RASGEF1A: variants seen among roughly 807,000 people sequenced by gnomAD.
RASGEF1A encodes ras-GEF domain-containing family member 1A.
Under a neutral mutation model 56.4 loss-of-function variants are expected in RASGEF1A, and 18 were observed. The ratio of observed to expected loss-of-function variants is 0.32; its 90% CI spans 0.22 to 0.47. RASGEF1A has a LOEUF of 0.47. Ranked by LOEUF, RASGEF1A falls within the 20% of genes least tolerant of loss-of-function variation. The probability of loss-of-function intolerance (pLI) is 1.00; values close to 1 mark genes in which losing one functional copy is unlikely to be tolerated. For missense variants in RASGEF1A, 422 were observed against 627.1 expected (o/e 0.67, Z 3.49); for synonymous variants, 245 against 242.6 (o/e 1.01, Z -0.09).
At chr10:43,263,992 G>C (rs1394634413) in intron 1 of RASGEF1A, among the ~76,000 whole-genome samples, 1 of 151,964 alleles carries the variant, frequency 6.6e-6, no homozygotes, top group Non-Finnish European at 1.5e-5. Context: ...CTGTCATGGT[G>C]CCTGGAGCAG....
intron 1 of RASGEF1A, among the ~76,000 whole-genome samples, chr10:43,250,316 T>A (rs1840613880): frequency 6.6e-6 from 1 of 152,160 alleles, no homozygotes; most frequent in Admixed American, 6.5e-5. Flanking sequence ...TGGACACACC[T>A]GAGCAGCTAT....
intron 1 of RASGEF1A, among the ~76,000 whole-genome samples, chr10:43,212,822 A>T (rs1270615490): frequency 6.6e-6 from 1 of 152,196 alleles, no homozygotes; most frequent in African/African-American, 2.4e-5. Context: ...ACACAGCCTA[A>T]AACTTTAGCT....
intron 1 of RASGEF1A, among the ~76,000 whole-genome samples, chr10:43,243,709 G>T (rs951656172): frequency 1.4e-5 from 2 of 144,582 alleles, no homozygotes; most frequent in South Asian, 4.5e-4. Flanking sequence ...CTGCCCAGCC[G>T]CCCCATCTGG....
chr10:43,254,164 C>A (rs1010452609), intron 1 of RASGEF1A, among the ~76,000 whole-genome samples: 2 of 152,180 alleles, frequency 1.3e-5, no homozygotes, highest in Non-Finnish European at 2.9e-5. Context: ...GGAAAATATC[C>A]CCTGCAGGAA....
At chr10:43,218,420 G>A (rs942106790) in intron 1 of RASGEF1A, among the ~76,000 whole-genome samples, 25 of 152,234 alleles carry the variant, frequency 1.6e-4, no homozygotes, top group Non-Finnish European at 1.2e-4. Context: ...CTGGTCTAGG[G>A]ATGGGGGGCG....
intron 1 of RASGEF1A, chr10:43,206,729 G>T: frequency 1.0e-6 from 1 of 986,528 alleles, no homozygotes; most frequent in South Asian, 4.7e-5. Context: ...CCCAAGGAGA[G>T]CTTGCTCAGG....
intron 1 of RASGEF1A, among the ~76,000 whole-genome samples, chr10:43,222,006 C>T (rs529631501): frequency 2.0e-5 from 3 of 152,174 alleles, no homozygotes; most frequent in East Asian, 1.9e-4. Flanking sequence ...GCATCTTAGG[C>T]GATTTCGTCG....
chr10:43,220,100 G>A (rs989100891), intron 1 of RASGEF1A, among the ~76,000 whole-genome samples: 3 of 152,302 alleles, frequency 2.0e-5, no homozygotes, highest in East Asian at 1.9e-4. Context: ...CATGCTGTGC[G>A]TCTGTCCCCT....
chr10:43,229,503 G>A (rs1840331200), intron 1 of RASGEF1A: 1 of 648,810 alleles, frequency 1.5e-6, no homozygotes, highest in African/African-American at 1.9e-5. Context: ...ACGCACAGAG[G>A]GCGGCGCGCG....
At chr10:43,225,827 G>T (rs1360129608) in intron 1 of RASGEF1A, among the ~76,000 whole-genome samples, 1 of 152,190 alleles carries the variant, frequency 6.6e-6, no homozygotes, top group African/African-American at 2.4e-5. Context: ...CCCCAGAGAA[G>T]TCATACTCAG....
chr10:43,213,596 T>C (rs1233000612), intron 1 of RASGEF1A, among the ~76,000 whole-genome samples: 1 of 152,186 alleles, frequency 6.6e-6, no homozygotes, highest in Non-Finnish European at 1.5e-5. Flanking sequence ...ACATTCCTTT[T>C]TGCAGCCTCT....
chr10:43,240,807 A>T (rs548433776), intron 1 of RASGEF1A, among the ~76,000 whole-genome samples: 1 of 152,244 alleles, frequency 6.6e-6, no homozygotes, highest in Non-Finnish European at 1.5e-5. Flanking sequence ...TATTAGAAGC[A>T]ATAATGGCTA....
At chr10:43,232,632 G>C (rs1394449990) in intron 1 of RASGEF1A, among the ~76,000 whole-genome samples, 1 of 151,870 alleles carries the variant, frequency 6.6e-6, no homozygotes, top group Non-Finnish European at 1.5e-5. Context: ...GATTACAGGT[G>C]CACGCCACCA....
At chr10:43,248,599 C>G (rs1413540806) in intron 1 of RASGEF1A, among the ~76,000 whole-genome samples, 1 of 152,208 alleles carries the variant, frequency 6.6e-6, no homozygotes, top group Non-Finnish European at 1.5e-5. Flanking sequence ...GGTCTCACTG[C>G]AGGCTTAATT....
chr10:43,224,689 A>C (rs1840250276), intron 1 of RASGEF1A, among the ~76,000 whole-genome samples: 1 of 152,248 alleles, frequency 6.6e-6, no homozygotes, highest in South Asian at 2.1e-4. Flanking sequence ...TAAAATGAAG[A>C]TCAAGCCAAA....
chr10:43,216,711 G>A (rs1039378689), intron 1 of RASGEF1A, among the ~76,000 whole-genome samples: 1 of 152,158 alleles, frequency 6.6e-6, no homozygotes, highest in African/African-American at 2.4e-5. Context: ...AGGGTAGAGG[G>A]CTGAGTGTGC....
chr10:43,220,257 T>C (rs1840190713), intron 1 of RASGEF1A, among the ~76,000 whole-genome samples: 1 of 152,160 alleles, frequency 6.6e-6, no homozygotes, highest in African/African-American at 2.4e-5. Context: ...CCTGGCACTT[T>C]AGGAAGCCGA....
intron 1 of RASGEF1A, chr10:43,208,352 C>T: frequency 2.0e-6 from 2 of 985,892 alleles, no homozygotes; most frequent in Non-Finnish European, 2.4e-6. Context: ...CGATCCCCCA[C>T]AGGGCAAGGC....
At chr10:43,201,750 C>T (rs577259902) in intron 4 of RASGEF1A, 58 bp downstream of exon 4, 6 of 1,456,874 alleles carry the variant, frequency 4.1e-6, no homozygotes, top group East Asian at 4.7e-5. Flanking sequence ...CCCACCCTCC[C>T]GAGGGCAGAC....
Sources: gnomAD v4.1 joint callset for allele counts (sites outside exome capture counted in the v4.1 genomes callset) on GRCh38, gnomAD v4.1.1 for gene constraint, MANE v1.5 for transcripts, NCBI Gene and HGNC (gene_info 2026-07-23, HGNC 2026-07-21) for gene names.